ITGB2: variants seen among roughly 807,000 people sequenced by gnomAD.
The protein encoded by ITGB2 is integrin subunit beta 2.
A neutral mutation model predicts 86.8 loss-of-function variants in ITGB2; 56 were observed. The ratio of observed to expected loss-of-function variants is 0.65; its 90% CI spans 0.52 to 0.81. The LOEUF (loss-of-function observed/expected upper bound fraction) is 0.81. Among genes scored for constraint, ITGB2 ranks in the 30% least tolerant of loss-of-function variants. The pLI, the probability that ITGB2 is intolerant of heterozygous loss-of-function variation, is 0.00. For missense variants in ITGB2, 948 were observed against 1,061.2 expected (o/e 0.89, Z 1.48); for synonymous variants, 457 against 450.4 (o/e 1.01, Z -0.19).
At chr21:44,921,783 G>A (rs555529868), upstream of ITGB2, among the ~76,000 whole-genome samples, 7 of 152,152 alleles carry the variant, frequency 4.6e-5, no homozygotes, top group East Asian at 7.7e-4. Context: ...GTGCAGTGGC[G>A]TGATCTCAGC....
chr21:44,889,238 G>A (rs775436628), intron 13 of ITGB2, 38 bp downstream of exon 13: 4 of 1,594,880 alleles, frequency 2.5e-6, no homozygotes, highest in Middle Eastern at 1.8e-4. Context: ...CGGGGAGTGG[G>A]GATCCCTGCC....
chr21:44,900,848 G>C (rs1158001808), intron 6 of ITGB2, among the ~76,000 whole-genome samples: 2 of 152,224 alleles, frequency 1.3e-5, no homozygotes, highest in Admixed American at 6.5e-5. Context: ...GGAGGAAAAC[G>C]AGCCTGAGGG....
upstream of ITGB2, chr21:44,921,470 A>G (rs573665857): frequency 6.5e-6 from 1 of 152,792 alleles, no homozygotes; most frequent in East Asian, 1.9e-4. Flanking sequence ...GGGGACGTGG[A>G]TTGCGAGGCC....
intron 5 of ITGB2, among the ~76,000 whole-genome samples, chr21:44,902,734 G>T (rs958360891): frequency 4.6e-5 from 7 of 151,986 alleles, no homozygotes; most frequent in African/African-American, 9.7e-5. Flanking sequence ...ACATGCATTT[G>T]TGTGTGAGCG....
upstream of ITGB2, among the ~76,000 whole-genome samples, chr21:44,922,260 A>G (rs1332468270): frequency 6.6e-6 from 1 of 152,216 alleles, no homozygotes; most frequent in African/African-American, 2.4e-5. Flanking sequence ...GGAGGAATAT[A>G]GATGCTTGTC....
chr21:44,893,504 G>GT lies in ITGB2; in HGVS notation c.1123_1124insA (p.Pro375HisfsTer25). 6.2e-7 allele frequency: 1 copy of GT among 1,614,120 alleles called. No homozygotes were observed. On this transcript the variant is annotated frameshift_variant, in exon 10 of 16. Transcript: ENST00000652462. LOFTEE classifies it high-confidence loss of function. Reference sequence around the variant, plus strand: ...GTCGTAGGTGACTTTCAGGGTGTCGGGGAGGGCGTTGTGATCCAGGAAGAC... The same window carrying GT: ...GTCGTAGGTGACTTTCAGGGTGTCGGTGGAGGGCGTTGTGATCCAGGAAGAC...
intron 1 of ITGB2, among the ~76,000 whole-genome samples, chr21:44,912,640 C>T (rs1221819986): frequency 2.6e-5 from 4 of 152,170 alleles, no homozygotes; most frequent in Non-Finnish European, 4.4e-5. Context: ...TATCTCTGAT[C>T]GTTGGGGGTT....
At chr21:44,893,005 C>G (rs1164209560) in intron 10 of ITGB2, 1 of 248,654 alleles carries the variant, frequency 4.0e-6, no homozygotes, top group East Asian at 9.3e-5. Context: ...CTGCAGTGGC[C>G]TGACCCAGGG....
At chr21:44,898,897 C>T (rs1307932292) in intron 8 of ITGB2, among the ~76,000 whole-genome samples, 170 bp downstream of exon 8, 3 of 152,228 alleles carry the variant, frequency 2.0e-5, no homozygotes, top group East Asian at 1.9e-4. Context: ...GTCCTGTCCC[C>T]GACGGGAAGC....
In ITGB2 at chr21:44,910,766, G is replaced by A. The variant is rs758990340; in HGVS notation, c.17C>T (p.Pro6Leu). 6.2e-7 allele frequency: 1 copy of A among 1,613,880 alleles called. No homozygotes were observed. The highest frequency in any genetic ancestry group is 8.5e-7 in the Non-Finnish European group (1 of 1,179,952). The stretch of plus-strand genomic sequence containing the variant: ...CAGCCCCACCAGGGCGAGCAGTGGG[G>A]GGCGCAGGCCCAGCATGTCCTGTGG... MLGLR[P>L]PLLALVGLLS... The change falls in exon 2 of 16, where the codon CCC becomes CTC. Residue 6 changes from proline (P) to leucine (L), a missense_variant. Transcript: ENST00000652462.
intron 1 of ITGB2, among the ~76,000 whole-genome samples, chr21:44,912,017 G>A (rs1394358582): frequency 1.3e-5 from 2 of 152,168 alleles, no homozygotes; most frequent in Non-Finnish European, 2.9e-5. Flanking sequence ...GTACTGAGAA[G>A]GGGTACCCAG....
chr21:44,896,096 C>A (rs867683882), intron 8 of ITGB2, among the ~76,000 whole-genome samples: 1 of 151,662 alleles, frequency 6.6e-6, no homozygotes. Context: ...ATCCTGCCTG[C>A]GGTGTGACTG....
chr21:44,905,186 G>A (rs927472167), intron 4 of ITGB2, among the ~76,000 whole-genome samples: 1 of 152,158 alleles, frequency 6.6e-6, no homozygotes, highest in African/African-American at 2.4e-5. Context: ...GGGCCAGCAG[G>A]CTGCGGGGGT....
intron 9 of ITGB2, chr21:44,894,312 A>G (rs1411931151): frequency 6.1e-6 from 1 of 163,214 alleles, no homozygotes; most frequent in African/African-American, 2.4e-5. Flanking sequence ...AGCCAGCAGG[A>G]CCTTTGGCCT....
chr21:44,886,965 C>T (rs1488160731), intron 14 of ITGB2, 63 bp from the exon 15 acceptor site: 31 of 1,595,856 alleles, frequency 1.9e-5, no homozygotes, highest in Admixed American at 6.7e-5. Flanking sequence ...CGTGTGCCCA[C>T]AGGTCCGAGG....
chr21:44,893,490 CT>C lies in ITGB2; in HGVS notation c.1137del (p.Val380SerfsTer11). The C allele has an allele frequency of 6.2e-7, 1 of 1,614,116 alleles. No individual in the cohort carries two copies. The highest frequency in any genetic ancestry group is 8.5e-7 in the Non-Finnish European group (1 of 1,180,006). ...LDHNALPDTL[K>X]VTYDSFCSNG... ...TTGCTGCAGAAGGAGTCGTAGGTGA[CT>C]TTCAGGGTGTCGGGGAGGGCGTTGT... On this transcript the variant is annotated frameshift_variant, in exon 10 of 16. Transcript: ENST00000652462. LOFTEE classifies it high-confidence loss of function.
rs557814048 is a variant in ITGB2, at chr21:44,899,757, C to T, written c.897+563G>A. On this transcript the variant is annotated intron_variant, in intron 7 of 15. Transcript: ENST00000652462. ...CCCCTCTGAGCCATTGAGATGCCTC[C>T]GCAGAGAGGCTCATCCTAACCCGTG... Among the ~76,000 whole-genome samples the T allele has an allele frequency of 9.8e-5, 15 of 152,336 alleles. No individual in the cohort carries two copies. In the South Asian group the frequency reaches 1.2e-3, roughly 13 times the overall value.
chr21:44,893,165 G>T, intron 10 of ITGB2: 1 of 489,232 alleles, frequency 2.0e-6, no homozygotes, highest in Non-Finnish European at 3.8e-6. Flanking sequence ...TCTGGCCTCG[G>T]CAGAGAGGAT....
chr21:44,905,938 C>T (rs974363525), intron 4 of ITGB2, among the ~76,000 whole-genome samples: 1 of 152,186 alleles, frequency 6.6e-6, no homozygotes, highest in African/African-American at 2.4e-5. Context: ...CCAGCCTGTC[C>T]GACACCAGCT....
Sources: gnomAD v4.1 joint callset for allele counts (sites outside exome capture counted in the v4.1 genomes callset) on GRCh38, gnomAD v4.1.1 for gene constraint, MANE v1.5 for transcripts, NCBI Gene and HGNC (gene_info 2026-07-23, HGNC 2026-07-21) for gene names.